Variants in DOK6 observed in about 807,000 individuals in gnomAD.
DOK6 encodes downstream of tyrosine kinase 6.
In DOK6, 22 loss-of-function variants were observed where a neutral mutation model predicts 44.0. The ratio of observed to expected loss-of-function variants is 0.50; its 90% CI spans 0.36 to 0.71. The LOEUF (loss-of-function observed/expected upper bound fraction) is 0.71, where lower values mean the gene tolerates loss of function less well. Ranked by LOEUF, DOK6 falls within the 30% of genes least tolerant of loss-of-function variation. DOK6 has a pLI of 0.00. For missense variants in DOK6, 340 were observed against 416.4 expected, an observed-to-expected ratio of 0.82 and a Z score of 1.60; for synonymous variants, 166 against 145.5, an observed-to-expected ratio of 1.14 and a Z score of -1.01.
At chr18:69,701,398 T>C (rs1345896066) in intron 5 of DOK6, among the ~76,000 whole-genome samples, 2 of 152,230 alleles carry the variant, frequency 1.3e-5, no homozygotes, top group Non-Finnish European at 2.9e-5. Context: ...AAGCATATTT[T>C]CTCAAGATAA....
chr18:69,749,021 G>A (rs1979080920), intron 6 of DOK6, among the ~76,000 whole-genome samples: 1 of 152,238 alleles, frequency 6.6e-6, no homozygotes, highest in Non-Finnish European at 1.5e-5. Flanking sequence ...TGGATGAGCT[G>A]GAAAGCCATT....
chr18:69,534,729 A>G (rs924793671), intron 1 of DOK6, among the ~76,000 whole-genome samples: 7 of 151,944 alleles, frequency 4.6e-5, no homozygotes, highest in Non-Finnish European at 8.8e-5. Flanking sequence ...TCCTTTATCT[A>G]TCGTTGCATC....
At chr18:69,691,195 A>G (rs1986257438) in intron 4 of DOK6, among the ~76,000 whole-genome samples, 1 of 146,656 alleles carries the variant, frequency 6.8e-6, no homozygotes. Context: ...AAATAAATAA[A>G]TAAATAAATA....
chr18:69,536,392 AC>A (rs1419712042), intron 1 of DOK6, among the ~76,000 whole-genome samples: 2 of 152,286 alleles, frequency 1.3e-5, no homozygotes, highest in East Asian at 3.9e-4. Flanking sequence ...AAACTGCTAA[AC>A]ATATATTGTT....
At chr18:69,520,863 C>T (rs1981665333) in intron 1 of DOK6, among the ~76,000 whole-genome samples, 1 of 151,876 alleles carries the variant, frequency 6.6e-6, no homozygotes, top group South Asian at 2.1e-4. Context: ...GTTCCGTTCA[C>T]ATCTATGAAA....
At chr18:69,522,589 G>A (rs1275571955) in intron 1 of DOK6, among the ~76,000 whole-genome samples, 1 of 151,832 alleles carries the variant, frequency 6.6e-6, no homozygotes, top group African/African-American at 2.4e-5. Flanking sequence ...ATTAATTAAA[G>A]AAAAAGACAA....
chr18:69,411,561 G>A (rs1409348571), intron 1 of DOK6, among the ~76,000 whole-genome samples: 1 of 152,166 alleles, frequency 6.6e-6, no homozygotes, highest in African/African-American at 2.4e-5. Flanking sequence ...CCATCTGGCA[G>A]TCTTATTTTT....
intron 7 of DOK6, chr18:69,777,771 G>C (rs1347163457): frequency 7.2e-6 from 1 of 138,194 alleles, no homozygotes; most frequent in Admixed American, 7.2e-5. Context: ...AAAAAAAGCA[G>C]AAAGGATTCA....
intron 3 of DOK6, among the ~76,000 whole-genome samples, chr18:69,606,172 T>C (rs1438467736): frequency 2.0e-5 from 3 of 151,928 alleles, no homozygotes; most frequent in African/African-American, 7.3e-5. Context: ...CTTGGGAGGC[T>C]GAGGCAGGAT....
chr18:69,684,951 T>G (rs960425398), intron 4 of DOK6, among the ~76,000 whole-genome samples: 2 of 152,140 alleles, frequency 1.3e-5, no homozygotes, highest in African/African-American at 4.8e-5. Flanking sequence ...TTTATTGGCA[T>G]ACAGGCGCAT....
intron 2 of DOK6, among the ~76,000 whole-genome samples, chr18:69,592,429 C>A (rs1172621115): frequency 6.6e-6 from 1 of 151,956 alleles, no homozygotes; most frequent in Non-Finnish European, 1.5e-5. Flanking sequence ...CCTACAAAAA[C>A]AAGATCATGT....
intron 5 of DOK6, among the ~76,000 whole-genome samples, chr18:69,729,619 C>G (rs997751380): frequency 6.6e-6 from 1 of 152,092 alleles, no homozygotes; most frequent in South Asian, 2.1e-4. Context: ...GGATTCGGAG[C>G]AACTCTGTGC....
At chr18:69,764,495 T>C (rs1180589543) in intron 7 of DOK6, among the ~76,000 whole-genome samples, 1 of 152,122 alleles carries the variant, frequency 6.6e-6, no homozygotes, top group African/African-American at 2.4e-5. Flanking sequence ...TCTCATGAGA[T>C]CTGATGGTTT....
At chr18:69,423,524 A>G (rs1978554275) in intron 1 of DOK6, among the ~76,000 whole-genome samples, 1 of 152,216 alleles carries the variant, frequency 6.6e-6, no homozygotes, top group African/African-American at 2.4e-5. Flanking sequence ...TGATTTTGCT[A>G]TTACAAACCA....
chr18:69,715,296 T>A (rs752325533), intron 5 of DOK6, among the ~76,000 whole-genome samples: 1 of 152,190 alleles, frequency 6.6e-6, no homozygotes, highest in Non-Finnish European at 1.5e-5. Flanking sequence ...TGGCAAAATG[T>A]AAGCACACCA....
intron 6 of DOK6, among the ~76,000 whole-genome samples, chr18:69,757,551 A>G (rs752854285): frequency 1.3e-5 from 2 of 152,154 alleles, no homozygotes; most frequent in African/African-American, 2.4e-5. Flanking sequence ...TCTCTTCTTA[A>G]TTAATGAGTA....
intron 5 of DOK6, among the ~76,000 whole-genome samples, chr18:69,720,106 T>C (rs1398853637): frequency 6.6e-6 from 1 of 152,138 alleles, no homozygotes; most frequent in Non-Finnish European, 1.5e-5. Flanking sequence ...TGAGAATCGC[T>C]TGAACCTGGG....
At chr18:69,785,686 T>C (rs1980409146) in intron 7 of DOK6, among the ~76,000 whole-genome samples, 1 of 152,178 alleles carries the variant, frequency 6.6e-6, no homozygotes, top group South Asian at 2.1e-4. Flanking sequence ...CACTGCCTTT[T>C]TATCTCAATG....
chr18:69,510,002 T>A (rs191313930), intron 1 of DOK6, among the ~76,000 whole-genome samples: 111 of 152,342 alleles, frequency 7.3e-4, no homozygotes, highest in Non-Finnish European at 1.4e-3. Flanking sequence ...TTTTATTAAA[T>A]CAATGTTGCC....
Sources: allele counts gnomAD v4.1 joint callset (sites outside exome capture counted in the v4.1 genomes callset), GRCh38; gene constraint gnomAD v4.1.1; transcripts MANE v1.5; gene names NCBI Gene and HGNC (gene_info 2026-07-23, HGNC 2026-07-21).